SCML2: variants seen among roughly 807,000 people sequenced by gnomAD.
SCML2 encodes sex comb on midleg-like protein 2.
A neutral mutation model predicts 48.4 loss-of-function variants in SCML2; 6 were observed. The ratio of observed to expected loss-of-function variants is 0.12; its 90% CI spans 0.07 to 0.24. SCML2 has a LOEUF of 0.24. Ranked by LOEUF, SCML2 falls within the 10% of genes least tolerant of loss-of-function variation. The pLI is 1.00. For missense variants in SCML2, 377 were observed against 528.2 expected, an observed-to-expected ratio of 0.71 and a Z score of 2.81; for synonymous variants, 181 against 189.5, an observed-to-expected ratio of 0.95 and a Z score of 0.37.
At position 18,305,115 on chromosome X, in the gene SCML2, T is replaced by C. The variant is rs148564968; in HGVS notation, c.587A>G (p.Asp196Gly). 5.8e-6 allele frequency: 7 copies of C among 1,208,671 alleles called. No individual in the cohort carries two copies. The highest frequency in any genetic ancestry group is 7.8e-6 in the Non-Finnish European group (7 of 894,881). ...PYLICPATIG[D>G]VKGDEVHITF... ...GATATGAACTTCATCCCCTTTAACA[T>C]CTCCAATGGTCGCAGGACAGATGAG... The change falls in exon 7 of 15, where the codon GAT becomes GGT. Residue 196 changes from aspartate (D) to glycine (G), a missense_variant. By Grantham distance (94) the Asp-to-Gly change is moderately conservative. Around this residue, in one of 3 missense-constraint regions of SCML2, gnomAD observed 299 missense variants for 425.5 expected, o/e 0.70. Coordinates refer to ENST00000251900, the MANE Select transcript of SCML2 (RefSeq NM_006089.3).
chrX:18,286,883 C>G (rs1346229344), intron 7 of SCML2, among the ~76,000 whole-genome samples: 1 of 111,379 alleles, frequency 9.0e-6, no homozygotes, highest in Non-Finnish European at 1.9e-5. Context: ...TCAGTGGTAG[C>G]TGTTCCAGTT....
intron 7 of SCML2, 62 bp from the exon 8 acceptor site, chrX:18,265,864 T>C: frequency 1.2e-6 from 1 of 839,301 alleles, no homozygotes; most frequent in Non-Finnish European, 1.7e-6. Context: ...TGTCTCCTCA[T>C]GACTCAAAAT....
At chrX:18,271,693 G>A (rs1301828950) in intron 7 of SCML2, among the ~76,000 whole-genome samples, 1 of 106,942 alleles carries the variant, frequency 9.4e-6, no homozygotes, top group Admixed American at 1.0e-4. Context: ...TGAAACTGCC[G>A]ATAGTATCAG....
rs1926864179 is a variant in SCML2 at position 18,256,859 on chromosome X, T to G, written c.1445A>C (p.Lys482Thr). The part of the protein sequence containing the change: ...GHTHSSAEHD[K>T]NQSAKEDVTE... ...ACATTTTCTCTCACCTGACTGATTT[T>G]TATCATGCTCTGCAGAGCTGTGAGT... is the stretch of plus-strand genomic sequence containing the variant. The change falls in exon 11 of 15, where the codon AAA becomes ACA. Residue 482 changes from lysine (K) to threonine (T), a missense_variant. Lys to Thr is a moderately conservative substitution (Grantham distance 78). Around this residue, in one of 3 missense-constraint regions of SCML2, gnomAD observed 299 missense variants for 425.5 expected, o/e 0.70. Coordinates refer to ENST00000251900, the MANE Select transcript of SCML2 (RefSeq NM_006089.3). 1 of 1,179,790 alleles carries G rather than the reference T, an allele frequency of 8.5e-7. No homozygotes were observed. Among genetic ancestry groups the G allele is most frequent in the Non-Finnish European group, 1.1e-6 (1 of 883,787 alleles).
intron 1 of SCML2, among the ~76,000 whole-genome samples, chrX:18,337,724 C>T (rs1177923828): frequency 9.0e-6 from 1 of 111,532 alleles, no homozygotes; most frequent in South Asian, 3.7e-4. Flanking sequence ...GGCAGAAAAT[C>T]GGCGAGGACA....
intron 7 of SCML2, among the ~76,000 whole-genome samples, chrX:18,271,266 G>A (rs756566959): frequency 1.8e-5 from 2 of 110,997 alleles, no homozygotes; most frequent in East Asian, 5.7e-4. Flanking sequence ...TACACATGAG[G>A]AAACATAGGC....
intron 7 of SCML2, among the ~76,000 whole-genome samples, chrX:18,276,408 CAT>C (rs1264167308): frequency 1.8e-5 from 2 of 111,362 alleles, no homozygotes; most frequent in Non-Finnish European, 3.8e-5. Flanking sequence ...AAGACGTACT[CAT>C]ATATATGTGA....
intron 7 of SCML2, among the ~76,000 whole-genome samples, chrX:18,275,272 C>T (rs1927591436): frequency 8.9e-6 from 1 of 112,382 alleles, no homozygotes; most frequent in Admixed American, 9.4e-5. Flanking sequence ...TTTGACTTTT[C>T]GTCAACATCT....
chrX:18,329,793 A>T (rs1929596635), intron 3 of SCML2, among the ~76,000 whole-genome samples: 1 of 112,690 alleles, frequency 8.9e-6, no homozygotes, highest in Non-Finnish European at 1.9e-5. Flanking sequence ...AAGAAGAAAA[A>T]AGAGCCGGGC....
intron 1 of SCML2, among the ~76,000 whole-genome samples, chrX:18,346,417 C>G (rs1285002115): frequency 9.0e-6 from 1 of 111,713 alleles, no homozygotes; most frequent in African/African-American, 3.2e-5. Context: ...AAGCCAAGTC[C>G]CTATTCACAA....
chrX:18,348,778 G>A (rs1235841455), intron 1 of SCML2, among the ~76,000 whole-genome samples: 1 of 111,695 alleles, frequency 9.0e-6, no homozygotes, highest in East Asian at 2.8e-4. Context: ...AAAAGCAACA[G>A]TTCATAGCAA....
chrX:18,313,014 T>TGCGC lies in SCML2; in HGVS notation c.486+7317_486+7318insGCGC, dbSNP rs1569157240. Among the ~76,000 whole-genome samples, 411 of 71,514 alleles carry TGCGC rather than the reference T, an allele frequency of 5.7e-3. 5 individuals are homozygous for TGCGC. The highest frequency in any genetic ancestry group is 0.022 in the African/African-American group (386 of 17,212). The allele number at this position is 71,514 out of a possible 115,157, so 62.1% of individuals were successfully genotyped here. A position where few individuals can be genotyped will look rare whatever the true frequency, so the allele number is the denominator to read the frequency against. On this transcript the variant is annotated intron_variant, in intron 6 of 14. Transcript: ENST00000251900. ...GTGTGTGTGTGTGTGTGTGCGCGTG[T>TGCGC]GTGTGTGTATGTGTATTCTGTGCAT...
chrX:18,333,652 A>G (rs1037796946), intron 2 of SCML2, among the ~76,000 whole-genome samples: 4 of 112,052 alleles, frequency 3.6e-5, no homozygotes, highest in African/African-American at 1.3e-4. Flanking sequence ...AGGATGTAGG[A>G]AGGCCAATAT....
At chrX:18,347,207 G>A (rs949633264) in intron 1 of SCML2, among the ~76,000 whole-genome samples, 3 of 111,071 alleles carry the variant, frequency 2.7e-5, no homozygotes, top group Non-Finnish European at 5.7e-5. Context: ...CACTTTGGGA[G>A]GCTGAGGCGG....
intron 1 of SCML2, among the ~76,000 whole-genome samples, chrX:18,342,545 C>A (rs1427332243): frequency 9.0e-6 from 1 of 110,910 alleles, no homozygotes; most frequent in African/African-American, 3.3e-5. Flanking sequence ...AACCCCATCT[C>A]TACCAAAAAT....
chrX:18,349,250 C>CTT (rs940942471), intron 1 of SCML2, among the ~76,000 whole-genome samples: 1 of 112,159 alleles, frequency 8.9e-6, no homozygotes, highest in Non-Finnish European at 1.9e-5. Context: ...CTCCTATAAA[C>CTT]TTAGGAAGAG....
At chrX:18,267,335 T>C (rs1160384418) in intron 7 of SCML2, among the ~76,000 whole-genome samples, 1 of 111,420 alleles carries the variant, frequency 9.0e-6, no homozygotes, top group African/African-American at 3.3e-5. Flanking sequence ...TTTGCTTTAC[T>C]CTCTACTCAA....
chrX:18,339,902 C>A (rs1929958065), intron 1 of SCML2, among the ~76,000 whole-genome samples: 1 of 111,326 alleles, frequency 9.0e-6, no homozygotes, highest in African/African-American at 3.3e-5. Flanking sequence ...AACTCCACCA[C>A]CAAACAATAC....
chrX:18,248,551 T>C (rs1453457303), intron 11 of SCML2, among the ~76,000 whole-genome samples: 1 of 112,275 alleles, frequency 8.9e-6, no homozygotes, highest in African/African-American at 3.2e-5. Context: ...AAAGTCAAAC[T>C]TCATCTGGTT....
Sources: gnomAD v4.1 joint callset for allele counts (sites outside exome capture counted in the v4.1 genomes callset) on GRCh38, gnomAD v4.1.1 for gene constraint, gnomAD v4.1.1 regional missense constraint, MANE v1.5 for transcripts, NCBI Gene and HGNC (gene_info 2026-07-23, HGNC 2026-07-21) for gene names.